The following KCTD3 variants were observed in gnomAD, a reference collection of about 807,000 sequenced individuals.
KCTD3 encodes potassium channel tetramerization domain containing 3.
In KCTD3, 41 loss-of-function variants were observed where a neutral mutation model predicts 85.8. That is an observed-to-expected ratio of 0.48 (90% CI 0.37 to 0.62). The LOEUF (loss-of-function observed/expected upper bound fraction) is 0.62. Among genes scored for constraint, KCTD3 ranks in the 20% least tolerant of loss-of-function variants. KCTD3 has a pLI of 0.00. For synonymous variants in KCTD3, 338 were observed against 345.4 expected (o/e 0.98, Z 0.24); for missense variants, 724 against 989.9 (o/e 0.73, Z 3.60).
chr1:215,619,277 A>T lies in KCTD3; in HGVS notation c.1872A>T (p.Arg624=). Residue 624 remains arginine, a synonymous_variant, in exon 17 of 18, where the codon CGA becomes CGT. Transcript: ENST00000259154. Reference sequence around the variant, plus strand: ...CCGTAGTTCAGCATAGCCACTTACGAGAATCAAATTCTAGGTAGGTTAAAG... The same window carrying T: ...CCGTAGTTCAGCATAGCCACTTACGTGAATCAAATTCTAGGTAGGTTAAAG... ...ATSVVQHSHL[R]ESNSSLQLQH... is the part of the protein sequence containing the mutation. 1 of 1,613,250 alleles carries T rather than the reference A, an allele frequency of 6.2e-7. No individual in the cohort carries two copies. Among genetic ancestry groups the T allele is most frequent in the Non-Finnish European group, 8.5e-7 (1 of 1,179,548 alleles).
chr1:215,602,912 A>G (rs1363728746), intron 12 of KCTD3, among the ~76,000 whole-genome samples: 1 of 152,236 alleles, frequency 6.6e-6, no homozygotes, highest in Non-Finnish European at 1.5e-5. Flanking sequence ...ATACCTATGA[A>G]TTTGACTGAA....
chr1:215,610,532 A>G (rs1245661020), intron 14 of KCTD3, among the ~76,000 whole-genome samples: 2 of 151,934 alleles, frequency 1.3e-5, no homozygotes, highest in East Asian at 1.9e-4. Context: ...ATACAGTTCT[A>G]TAGTCTTCTC....
At chr1:215,614,816 A>C (rs902403204) in intron 15 of KCTD3, among the ~76,000 whole-genome samples, 3 of 152,186 alleles carry the variant, frequency 2.0e-5, no homozygotes, top group Non-Finnish European at 4.4e-5. Flanking sequence ...CATTTTCAAC[A>C]TATCTGTTAA....
Position 215,618,597 on chromosome 1 carries a change from C to A in KCTD3, c.1563-289C>A, listed in dbSNP as rs902199547. The A allele has an allele frequency of 5.1e-5, 13 of 252,444 alleles. No homozygotes were observed. The South Asian group carries it at 1.2e-3, about 23-fold the overall frequency. 15.6% of individuals were successfully genotyped at this position (252,444 alleles called of 1,614,324 possible). On this transcript the variant is annotated intron_variant, in intron 15 of 17. Transcript: ENST00000259154. ...CGTCAATGTGGATAAAAATTGTTCT[C>A]TCTCAGGTTCTTTTATCTTTTATGA... is the stretch of plus-strand genomic sequence containing the variant.
intron 9 of KCTD3, among the ~76,000 whole-genome samples, chr1:215,588,640 T>A (rs1660106602): frequency 6.6e-6 from 1 of 152,160 alleles, no homozygotes; most frequent in South Asian, 2.1e-4. Context: ...TTCAACACTT[T>A]GACTATTTCA....
At position 215,620,682 on chromosome 1, in the gene KCTD3, C is replaced by A; in HGVS notation, c.*64C>A. On this transcript the variant is annotated 3_prime_UTR_variant, in exon 18 of 18. Coordinates refer to ENST00000259154, the MANE Select transcript of KCTD3 (RefSeq NM_016121.5). ...ATGAAAGTTAAACTTTACTGAATTT[C>A]AGTACATTAGTTTTTACACTAAAAC... The A allele has an allele frequency of 8.5e-7, 1 of 1,170,172 alleles. No homozygotes were observed. Among genetic ancestry groups the A allele is most frequent in the Non-Finnish European group, 1.2e-6 (1 of 832,388 alleles). The allele number at this position is 1,170,172 out of a possible 1,614,324, so 72.5% of individuals were successfully genotyped here.
Position 215,619,327 on chromosome 1 carries a change from A to C in KCTD3, c.1886+36A>C, listed in dbSNP as rs765112176. Reference sequence around the variant, plus strand: ...GAGTTGGGTATTATAAACAAAATTTATTTCTTTTGGGGAAATTGACTGAAA... The same window carrying C: ...GAGTTGGGTATTATAAACAAAATTTCTTTCTTTTGGGGAAATTGACTGAAA... On this transcript the variant is annotated intron_variant, in intron 17 of 17. Transcript: ENST00000259154. 6.4e-6 allele frequency: 10 copies of C among 1,556,726 alleles called. No homozygotes were observed. In the South Asian group the frequency reaches 1.0e-4, roughly 16 times the overall value.
intron 9 of KCTD3, among the ~76,000 whole-genome samples, chr1:215,589,250 C>A (rs901754378): frequency 7.2e-5 from 11 of 152,152 alleles, no homozygotes; most frequent in Non-Finnish European, 1.5e-4. Flanking sequence ...CTCAAGCAGT[C>A]CCCCCACCTC....
chr1:215,607,598 A>G (rs1655083184), intron 13 of KCTD3, among the ~76,000 whole-genome samples: 1 of 152,014 alleles, frequency 6.6e-6, no homozygotes, highest in Non-Finnish European at 1.5e-5. Flanking sequence ...TGTGCCAATA[A>G]TTTTTCGGTA....
intron 1 of KCTD3, among the ~76,000 whole-genome samples, chr1:215,571,352 C>T (rs1055583688): frequency 4.9e-4 from 74 of 152,200 alleles, no homozygotes; most frequent in African/African-American, 1.7e-3. Context: ...TATTAAGAAA[C>T]GCATTTAGGA....
rs1452107372 is a variant in KCTD3 at position 215,621,195 on chromosome 1, T to C, written c.*577T>C. ...AGTAAGTCTTTTAGGATGATTTTAA[T>C]TTAGTCGTGCGTCATTTTCTGATTC... On this transcript the variant is annotated 3_prime_UTR_variant, in exon 18 of 18. Coordinates refer to ENST00000259154, the MANE Select transcript of KCTD3 (RefSeq NM_016121.5). 1 of 152,664 alleles carries C rather than the reference T, an allele frequency of 6.6e-6. No individual in the cohort carries two copies. Among genetic ancestry groups the C allele is most frequent in the Non-Finnish European group, 1.5e-5 (1 of 68,050 alleles). The allele number at this position is 152,664 out of a possible 1,614,324, so 9.5% of individuals were successfully genotyped here. A position where few individuals can be genotyped will look rare whatever the true frequency, so the allele number is the denominator to read the frequency against.
intron 4 of KCTD3, among the ~76,000 whole-genome samples, chr1:215,577,037 C>T (rs959517153): frequency 9.9e-5 from 15 of 151,960 alleles, no homozygotes; most frequent in Non-Finnish European, 2.9e-5. Flanking sequence ...AGTTCTGAAT[C>T]TTCCATTTTT....
chr1:215,572,136 A>G (rs1384602768), intron 1 of KCTD3, among the ~76,000 whole-genome samples: 1 of 152,180 alleles, frequency 6.6e-6, no homozygotes, highest in Non-Finnish European at 1.5e-5. Flanking sequence ...GCTCTGTTGT[A>G]ACCATAAAAT....
intron 13 of KCTD3, among the ~76,000 whole-genome samples, chr1:215,607,324 T>G (rs1195343316): frequency 1.3e-5 from 2 of 151,912 alleles, no homozygotes; most frequent in African/African-American, 2.4e-5. Context: ...GTTTTTGCAT[T>G]AGTGATACAC....
At chr1:215,619,387 C>G (rs920322259) in intron 17 of KCTD3, 96 bp downstream of exon 17, 1 of 1,030,974 alleles carries the variant, frequency 9.7e-7, no homozygotes, top group Admixed American at 2.4e-5. Flanking sequence ...GAAAGCCATA[C>G]TTCTCAAGGT....
chr1:215,589,078 C>T (rs937669767), intron 9 of KCTD3, among the ~76,000 whole-genome samples: 3 of 152,160 alleles, frequency 2.0e-5, no homozygotes, highest in African/African-American at 7.2e-5. Context: ...CAAACAATTT[C>T]TGGATTAAAT....
chr1:215,590,846 T>C (rs555949507), intron 9 of KCTD3, among the ~76,000 whole-genome samples: 36 of 152,266 alleles, frequency 2.4e-4, no homozygotes, highest in Admixed American at 1.2e-3. Flanking sequence ...GTCTAGAGAG[T>C]TTTGATTATG....
Position 215,621,774 on chromosome 1 carries a change from T to TATC in KCTD3, c.*1158_*1160dup, listed in dbSNP as rs1234920223. ...TCACAACAGTTCTCTTGTATTTATTTATCAATTAAATCAAATAAAAATGAT... is the reference window on the plus strand; with the variant it reads ...TCACAACAGTTCTCTTGTATTTATTTATCATCAATTAAATCAAATAAAAATGAT... On this transcript the variant is annotated 3_prime_UTR_variant, in exon 18 of 18. Coordinates refer to ENST00000259154, the MANE Select transcript of KCTD3 (RefSeq NM_016121.5). The TATC allele has an allele frequency of 3.9e-5, 6 of 152,564 alleles. No homozygotes were observed. Among genetic ancestry groups the TATC allele is most frequent in the Non-Finnish European group, 8.8e-5 (6 of 67,996 alleles). The allele number at this position is 152,564 out of a possible 1,614,324, so 9.5% of individuals were successfully genotyped here.
intron 6 of KCTD3, among the ~76,000 whole-genome samples, 199 bp downstream of exon 6, chr1:215,578,280 A>G (rs2102558840): frequency 6.6e-6 from 1 of 152,302 alleles, no homozygotes; most frequent in Non-Finnish European, 1.5e-5. Flanking sequence ...TTTTCTGTAA[A>G]GAGCCAGATA....
Sources: gnomAD v4.1 joint callset for allele counts (sites outside exome capture counted in the v4.1 genomes callset) on GRCh38, gnomAD v4.1.1 for gene constraint, MANE v1.5 for transcripts, NCBI Gene and HGNC (gene_info 2026-07-23, HGNC 2026-07-21) for gene names.